WWOX: variants seen among roughly 807,000 people sequenced by gnomAD.
WWOX encodes the protein WW domain-containing oxidoreductase.
In WWOX, 69 loss-of-function variants were observed where a neutral mutation model predicts 46.2. The observed-to-expected ratio is 1.49, with a 90% confidence interval of 1.23 to 1.82. The LOEUF (loss-of-function observed/expected upper bound fraction) is 1.82. Among genes scored for constraint, WWOX ranks in the 40% most tolerant of loss-of-function variants. The pLI is 0.00. For missense variants in WWOX, 919 were observed against 542.6 expected, an observed-to-expected ratio of 1.69 and a Z score of -6.89; for synonymous variants, 359 against 202.6, an observed-to-expected ratio of 1.77 and a Z score of -6.56.
At chr16:78,462,240 C>G (rs2083970078) in intron 8 of WWOX, among the ~76,000 whole-genome samples, 1 of 150,232 alleles carries the variant, frequency 6.7e-6, no homozygotes, top group Admixed American at 6.6e-5. Flanking sequence ...CTTGCTCACG[C>G]TCTTTTTTTT....
chr16:78,941,022 C>A (rs2151292148), intron 8 of WWOX, among the ~76,000 whole-genome samples: 1 of 152,108 alleles, frequency 6.6e-6, no homozygotes, highest in South Asian at 2.1e-4. Context: ...TCACTTTTCC[C>A]TTGTTATGAC....
At chr16:78,923,794 G>GTTTTTTTT (rs56852814) in intron 8 of WWOX, among the ~76,000 whole-genome samples, 4 of 102,158 alleles carry the variant, frequency 3.9e-5, no homozygotes, top group Non-Finnish European at 5.3e-5. Flanking sequence ...TTTTTAGTTA[G>GTTTTTTTT]TTTTTTTTTT....
chr16:78,513,036 G>A (rs1323761535), intron 8 of WWOX, among the ~76,000 whole-genome samples: 1 of 152,252 alleles, frequency 6.6e-6, no homozygotes, highest in Admixed American at 6.5e-5. Context: ...CAATTTTTAT[G>A]GCCCGAGATT....
chr16:78,214,986 T>G (rs144861066), intron 5 of WWOX, among the ~76,000 whole-genome samples: 322 of 152,310 alleles, frequency 2.1e-3, no homozygotes, highest in African/African-American at 7.3e-3. Context: ...ATGGGTTAAA[T>G]TAAGAGGATT....
chr16:78,731,710 A>G (rs187979967), intron 8 of WWOX, among the ~76,000 whole-genome samples: 1 of 152,240 alleles, frequency 6.6e-6, no homozygotes, highest in African/African-American at 2.4e-5. Context: ...GAAAGCCTGT[A>G]AGAAGAAGCG....
intron 5 of WWOX, among the ~76,000 whole-genome samples, chr16:78,199,265 A>G (rs1597343169): frequency 1.3e-5 from 2 of 152,264 alleles, no homozygotes; most frequent in Middle Eastern, 6.8e-3. Flanking sequence ...GTGAGCCCAG[A>G]TCGCACCACT....
At chr16:79,063,805 G>A (rs1373302926) in intron 8 of WWOX, among the ~76,000 whole-genome samples, 1 of 152,178 alleles carries the variant, frequency 6.6e-6, no homozygotes, top group Non-Finnish European at 1.5e-5. Flanking sequence ...CATTTCTGTG[G>A]GACCTAAAGA....
chr16:79,083,464 G>T (rs1890112182), intron 8 of WWOX, among the ~76,000 whole-genome samples: 1 of 152,164 alleles, frequency 6.6e-6, no homozygotes, highest in Non-Finnish European at 1.5e-5. Context: ...AAGTCACTAA[G>T]ATTTTGGAGG....
intron 8 of WWOX, among the ~76,000 whole-genome samples, chr16:78,466,704 C>T (rs2084086019): frequency 6.6e-6 from 1 of 151,988 alleles, no homozygotes. Context: ...AAAAATTAGC[C>T]AGGCTTGGCG....
intron 8 of WWOX, among the ~76,000 whole-genome samples, chr16:78,518,309 G>T (rs34461109): frequency 0.047 from 7,097 of 152,106 alleles, 215 homozygotes; most frequent in East Asian, 0.12. Context: ...TCAACTCACC[G>T]CAGCCTCCGC....
intron 8 of WWOX, among the ~76,000 whole-genome samples, chr16:79,176,060 G>A (rs1295431958): frequency 6.6e-6 from 1 of 152,190 alleles, no homozygotes; most frequent in South Asian, 2.1e-4. Context: ...CTGCACATTA[G>A]AGCAGCTGTT....
chr16:78,622,496 C>T (rs375020207), intron 8 of WWOX, among the ~76,000 whole-genome samples: 6 of 151,320 alleles, frequency 4.0e-5, no homozygotes, highest in South Asian at 2.1e-4. Context: ...GAGCTGAGAT[C>T]GTGCCACTGT....
chr16:78,587,216 T>TTTTTTTTTTTTTTTTTTTTTG (rs2045230607), intron 8 of WWOX, among the ~76,000 whole-genome samples: 1 of 134,986 alleles, frequency 7.4e-6, no homozygotes, highest in African/African-American at 3.0e-5. Context: ...TTTTTTTTTT[T>TTTTTTTTTTTTTTTTTTTTTG]GTAGAAACAG....
chr16:78,565,438 A>C (rs911293011), intron 8 of WWOX, among the ~76,000 whole-genome samples: 1 of 152,174 alleles, frequency 6.6e-6, no homozygotes, highest in Non-Finnish European at 1.5e-5. Flanking sequence ...TCTGGCTTCA[A>C]ACCAGCAGTT....
chr16:78,744,833 CA>C lies in WWOX; in HGVS notation c.1056+312082del, dbSNP rs564473866. On this transcript the variant is annotated intron_variant, in intron 8 of 8. Coordinates refer to ENST00000566780, the MANE Select transcript of WWOX (RefSeq NM_016373.4). ...AAACTGGTTGGTTGGCCTGAAGACCCACATGGTGACTTCACTAAAGTCATTG... is the reference window on the plus strand; with the variant it reads ...AAACTGGTTGGTTGGCCTGAAGACCCCATGGTGACTTCACTAAAGTCATTG... Among the ~76,000 whole-genome samples the C allele has an allele frequency of 3.3e-3, 498 of 152,222 alleles. 2 individuals carry two copies. The highest frequency in any genetic ancestry group is 0.017 in the Middle Eastern group (5 of 294).
chr16:78,161,438 C>T (rs1276926358), intron 4 of WWOX, among the ~76,000 whole-genome samples: 1 of 148,020 alleles, frequency 6.8e-6, no homozygotes, highest in African/African-American at 2.5e-5. Flanking sequence ...CTTTCTTTCT[C>T]TTTCCTTTCT....
chr16:78,830,515 C>G (rs1391339610), intron 8 of WWOX, among the ~76,000 whole-genome samples: 2 of 152,072 alleles, frequency 1.3e-5, no homozygotes, highest in Admixed American at 1.3e-4. Context: ...ACAAATTACC[C>G]ATTACCAGGG....
intron 8 of WWOX, among the ~76,000 whole-genome samples, chr16:78,941,113 C>T (rs749585017): frequency 6.6e-6 from 1 of 152,100 alleles, no homozygotes; most frequent in Non-Finnish European, 1.5e-5. Context: ...GAATCCTCTT[C>T]TAGAAAGCGT....
chr16:78,760,669 G>A (rs897426532), intron 8 of WWOX, among the ~76,000 whole-genome samples: 4 of 152,108 alleles, frequency 2.6e-5, no homozygotes, highest in Admixed American at 6.5e-5. Flanking sequence ...AGCATCAGAC[G>A]GCTTGTCTCA....
Sources: allele counts gnomAD v4.1 joint callset (sites outside exome capture counted in the v4.1 genomes callset), GRCh38; gene constraint gnomAD v4.1.1; transcripts MANE v1.5; gene names NCBI Gene and HGNC (gene_info 2026-07-23, HGNC 2026-07-21).